CSMD1: variants seen among roughly 807,000 people sequenced by gnomAD.
The protein encoded by CSMD1 is CUB and sushi domain-containing protein 1.
Under a neutral mutation model 417.5 loss-of-function variants are expected in CSMD1, and 213 were observed. The ratio of observed to expected loss-of-function variants is 0.51; its 90% CI spans 0.46 to 0.57. The LOEUF (loss-of-function observed/expected upper bound fraction) is 0.57. Ranked by LOEUF, CSMD1 falls within the 20% of genes least tolerant of loss-of-function variation. CSMD1 has a pLI of 0.00. For synonymous variants in CSMD1, 2,862 were observed against 1,736.8 expected (o/e 1.65, Z -16.11); for missense variants, 6,923 against 4,529.7 (o/e 1.53, Z -15.17).
intron 5 of CSMD1, among the ~76,000 whole-genome samples, chr8:3,866,273 T>A (rs1351321873): frequency 6.6e-6 from 1 of 152,198 alleles, no homozygotes; most frequent in Non-Finnish European, 1.5e-5. Context: ...TAAACAACAT[T>A]TTTAAATAAA....
rs567299647 is a variant in CSMD1 at position 4,080,217 on chromosome 8, G to T, written c.416-48118C>A. On this transcript the variant is annotated intron_variant, in intron 3 of 69. Coordinates refer to ENST00000635120, the MANE Select transcript of CSMD1 (RefSeq NM_033225.6). ...TTCTAGCTCCCCAGTAGTAATAGTT[G>T]TCTCCTCCTTAAAACCCATCATCAC... Among the ~76,000 whole-genome samples, 5 of 151,872 alleles carry T rather than the reference G, an allele frequency of 3.3e-5. 1 individual carries two copies. Among genetic ancestry groups the T allele is most frequent in the Non-Finnish European group, 7.4e-5 (5 of 67,940 alleles).
intron 5 of CSMD1, among the ~76,000 whole-genome samples, chr8:3,783,167 C>A: frequency 6.6e-6 from 1 of 152,182 alleles, no homozygotes; most frequent in Non-Finnish European, 1.5e-5. Flanking sequence ...GTCTCAACAT[C>A]TTTCCACCTG....
At chr8:3,943,606 T>G (rs1811034774) in intron 5 of CSMD1, among the ~76,000 whole-genome samples, 1 of 152,124 alleles carries the variant, frequency 6.6e-6, no homozygotes, top group South Asian at 2.1e-4. Context: ...AAATAGCTGG[T>G]AAACCCCATG....
chr8:4,870,019 C>A (rs920299825), intron 1 of CSMD1, among the ~76,000 whole-genome samples: 4 of 152,022 alleles, frequency 2.6e-5, no homozygotes, highest in Admixed American at 2.6e-4. Context: ...TTTTTATGGA[C>A]AACCGTAAAG....
At chr8:4,615,970 T>C (rs1447913766) in intron 2 of CSMD1, among the ~76,000 whole-genome samples, 2 of 152,204 alleles carry the variant, frequency 1.3e-5, no homozygotes, top group East Asian at 1.9e-4. Context: ...CTTTTTCAAA[T>C]TCTTCTGTAA....
At chr8:4,035,576 G>C (rs1563345495) in intron 3 of CSMD1, among the ~76,000 whole-genome samples, 1 of 152,150 alleles carries the variant, frequency 6.6e-6, no homozygotes. Flanking sequence ...GCTAGGGTGT[G>C]TGTTTGAGTC....
intron 10 of CSMD1, among the ~76,000 whole-genome samples, chr8:3,564,937 A>G (rs997087956): frequency 6.6e-6 from 1 of 151,848 alleles, no homozygotes; most frequent in African/African-American, 2.4e-5. Flanking sequence ...CAAGGACACA[A>G]TCATGGATCA....
chr8:3,992,581 TGA>T (rs1311784751), intron 5 of CSMD1, among the ~76,000 whole-genome samples: 2 of 152,186 alleles, frequency 1.3e-5, no homozygotes, highest in African/African-American at 4.8e-5. Context: ...TCCAGGATTT[TGA>T]GACCAGCTTG....
intron 3 of CSMD1, among the ~76,000 whole-genome samples, chr8:4,093,757 T>A (rs547483277): frequency 3.3e-4 from 50 of 152,196 alleles, no homozygotes; most frequent in Middle Eastern, 6.8e-3. Context: ...GGTCAGGAGT[T>A]CAAGACCAGC....
At chr8:3,975,822 A>C (rs1375362239) in intron 5 of CSMD1, among the ~76,000 whole-genome samples, 1 of 152,202 alleles carries the variant, frequency 6.6e-6, no homozygotes, top group South Asian at 2.1e-4. Context: ...TTATTCAAAT[A>C]CATTCTTCAT....
intron 3 of CSMD1, among the ~76,000 whole-genome samples, chr8:4,346,513 A>C (rs906353079): frequency 6.6e-6 from 1 of 152,120 alleles, no homozygotes; most frequent in African/African-American, 2.4e-5. Context: ...TATTGTCTAA[A>C]CTGAATTAAA....
intron 1 of CSMD1, among the ~76,000 whole-genome samples, chr8:4,775,685 G>A (rs1352576572): frequency 6.6e-6 from 1 of 152,112 alleles, no homozygotes; most frequent in Non-Finnish European, 1.5e-5. Context: ...AAAGACTGCT[G>A]GACCAAGGCA....
At chr8:3,092,797 G>T (rs968063830) in intron 47 of CSMD1, among the ~76,000 whole-genome samples, 1 of 152,162 alleles carries the variant, frequency 6.6e-6, no homozygotes, top group Admixed American at 6.5e-5. Context: ...ACGCTACTCT[G>T]TAATGAGCTC....
intron 6 of CSMD1, among the ~76,000 whole-genome samples, chr8:3,748,631 G>T (rs1797171395): frequency 6.6e-6 from 1 of 152,192 alleles, no homozygotes; most frequent in Admixed American, 6.5e-5. Flanking sequence ...ATAGAGCTCT[G>T]GAAACTGCAT....
At chr8:3,488,196 G>T (rs777443119) in intron 11 of CSMD1, among the ~76,000 whole-genome samples, 3 of 151,874 alleles carry the variant, frequency 2.0e-5, no homozygotes, top group Non-Finnish European at 4.4e-5. Flanking sequence ...TTGATCTCCT[G>T]GGCACAATCG....
At chr8:3,707,653 G>C (rs1047442744) in intron 7 of CSMD1, among the ~76,000 whole-genome samples, 1 of 151,890 alleles carries the variant, frequency 6.6e-6, no homozygotes, top group East Asian at 1.9e-4. Context: ...AGCAAAACCA[G>C]TGGAGAGCTG....
rs545874917 is a variant in CSMD1, at chr8:4,802,208, T to C, written c.86-164650A>G. 3.3e-5 allele frequency among the ~76,000 whole-genome samples: 5 copies of C among 152,322 alleles called. No homozygotes were observed. In the South Asian group the frequency reaches 1.0e-3, roughly 32 times the overall value. Reference sequence around the variant, plus strand: ...CTATCTATAGGATGCTCATTTTGCATCAAAGTACAATTGGCTTAAACTAGT... The same window carrying C: ...CTATCTATAGGATGCTCATTTTGCACCAAAGTACAATTGGCTTAAACTAGT... On this transcript the variant is annotated intron_variant, in intron 1 of 69. Transcript: ENST00000635120.
intron 41 of CSMD1, among the ~76,000 whole-genome samples, chr8:3,119,187 A>G (rs75314012): frequency 6.6e-6 from 1 of 151,396 alleles, no homozygotes; most frequent in Non-Finnish European, 1.5e-5. Context: ...CCCCCGCCCC[A>G]AAAAAAAGGA....
At chr8:4,363,838 A>G (rs557873059) in intron 3 of CSMD1, among the ~76,000 whole-genome samples, 2 of 152,236 alleles carry the variant, frequency 1.3e-5, no homozygotes, top group South Asian at 4.2e-4. Flanking sequence ...TATTTGTGGG[A>G]TCTGAAAATC....
Sources: allele counts gnomAD v4.1 joint callset (sites outside exome capture counted in the v4.1 genomes callset), GRCh38; gene constraint gnomAD v4.1.1; transcripts MANE v1.5; gene names NCBI Gene and HGNC (gene_info 2026-07-23, HGNC 2026-07-21).